TTLL7: variants seen among roughly 807,000 people sequenced by gnomAD.
TTLL7 encodes tubulin polyglutamylase TTLL7.
TTLL7 carries 53 observed loss-of-function variants against 120.2 expected under a neutral mutation model. That is an observed-to-expected ratio of 0.44 (90% confidence interval 0.35 to 0.55). The LOEUF (loss-of-function observed/expected upper bound fraction) is 0.55. Among genes scored for constraint, TTLL7 ranks in the 20% least tolerant of loss-of-function variants. The pLI is 0.00. For missense variants in TTLL7, 803 were observed against 1,054.7 expected (o/e 0.76, Z 3.31); for synonymous variants, 353 against 351.7 (o/e 1.00, Z -0.04).
At chr1:83,979,368 G>C (rs1442970022) in intron 1 of TTLL7, 2 of 152,186 alleles carry the variant, frequency 1.3e-5, no homozygotes, top group Non-Finnish European at 2.9e-5. Context: ...CGAGGGTCCA[G>C]GTGGAGTCAC....
chr1:83,893,149 C>T (rs971470972), intron 18 of TTLL7, among the ~76,000 whole-genome samples: 1 of 151,462 alleles, frequency 6.6e-6, no homozygotes, highest in Non-Finnish European at 1.5e-5. Context: ...GTGTTGGGTT[C>T]ACAGGTGGTA....
Position 83,906,326 on chromosome 1 carries a change from C to A in TTLL7, c.2127+3G>T, listed in dbSNP as rs1394566727. The A allele has an allele frequency of 1.2e-6, 2 of 1,611,104 alleles. No individual in the cohort carries two copies. Among genetic ancestry groups the A allele is most frequent in the Admixed American group, 3.3e-5 (2 of 59,752 alleles). ...TGGCATTTTAGATACATCACATACTCACATCTTCTATCAGAAGTTCTGATT... is the reference window on the plus strand; with the variant it reads ...TGGCATTTTAGATACATCACATACTAACATCTTCTATCAGAAGTTCTGATT... On this transcript the variant is annotated splice_donor_region_variant and intron_variant, in intron 17 of 20. Coordinates refer to ENST00000260505, the MANE Select transcript of TTLL7 (RefSeq NM_024686.6).
chr1:83,983,616 A>G (rs1557801065), intron 1 of TTLL7, among the ~76,000 whole-genome samples: 1 of 152,156 alleles, frequency 6.6e-6, no homozygotes, highest in Non-Finnish European at 1.5e-5. Flanking sequence ...AAAATTGACA[A>G]GTGGGATCTC....
At chr1:83,948,097 G>A (rs1293177088) in intron 5 of TTLL7, among the ~76,000 whole-genome samples, 2 of 151,876 alleles carry the variant, frequency 1.3e-5, no homozygotes, top group African/African-American at 2.4e-5. Flanking sequence ...ATATACATGT[G>A]TCTTTGAGTA....
At chr1:83,957,607 C>T (rs1455609727) in intron 1 of TTLL7, among the ~76,000 whole-genome samples, 1 of 152,108 alleles carries the variant, frequency 6.6e-6, no homozygotes, top group African/African-American at 2.4e-5. Flanking sequence ...TGCACAAAGT[C>T]ACACATCTAA....
intron 1 of TTLL7, among the ~76,000 whole-genome samples, chr1:83,995,228 T>C (rs1653375539): frequency 6.6e-6 from 1 of 152,040 alleles, no homozygotes; most frequent in South Asian, 2.1e-4. Flanking sequence ...AATCAACATG[T>C]AAGTATTCCA....
In TTLL7 at chr1:83,959,675, G is replaced by T. The variant is rs74572150; in HGVS notation, c.-176-7288C>A. Among the ~76,000 whole-genome samples the T allele has an allele frequency of 8.9e-3, 1,359 of 152,022 alleles. 57 individuals carry two copies. In the East Asian group the frequency reaches 0.14, roughly 16 times the overall value. ...CACCAAAAATAATTAAACTTATAAG[G>T]ATTAACAACAACCACAAAGATTAAT... On this transcript the variant is annotated intron_variant, in intron 1 of 20. Coordinates refer to ENST00000260505, the MANE Select transcript of TTLL7 (RefSeq NM_024686.6).
chr1:83,948,821 G>T (rs2100856026), intron 4 of TTLL7, 126 bp from the exon 5 acceptor site: 3 of 627,872 alleles, frequency 4.8e-6, no homozygotes, highest in East Asian at 5.7e-5. Flanking sequence ...TAATCTAAAA[G>T]ATTTAATGTT....
At chr1:83,960,234 G>A (rs1424376284) in intron 1 of TTLL7, among the ~76,000 whole-genome samples, 2 of 152,128 alleles carry the variant, frequency 1.3e-5, no homozygotes, top group African/African-American at 4.8e-5. Context: ...CATAAGCAAT[G>A]TGAAGTCACT....
rs150194052 is a variant in TTLL7, at chr1:83,994,577, G to C, written c.-177+4354C>G. Among the ~76,000 whole-genome samples, 1,035 of 152,334 alleles carry C rather than the reference G, an allele frequency of 6.8e-3. 32 individuals are homozygous for C. The highest frequency in any genetic ancestry group is 0.061 in the Admixed American group (928 of 15,302). On this transcript the variant is annotated intron_variant, in intron 1 of 20. Transcript: ENST00000260505. The stretch of plus-strand genomic sequence containing the variant: ...GGAAGGATACTGGGAACAAGGGGAG[G>C]GGGAGCATCTGAATGCTGAGAAGAG...
chr1:83,990,815 T>A (rs1652927811), intron 1 of TTLL7, among the ~76,000 whole-genome samples: 1 of 152,092 alleles, frequency 6.6e-6, no homozygotes, highest in African/African-American at 2.4e-5. Context: ...AAAATAGAAC[T>A]ACCATATACT....
intron 14 of TTLL7, among the ~76,000 whole-genome samples, chr1:83,911,721 T>C (rs1657689838): frequency 1.3e-5 from 2 of 150,250 alleles, no homozygotes; most frequent in Admixed American, 1.3e-4. Flanking sequence ...CATAAGAGAT[T>C]ACTCATCAAG....
intron 20 of TTLL7, among the ~76,000 whole-genome samples, chr1:83,873,266 C>T (rs1653608674): frequency 6.6e-6 from 1 of 152,106 alleles, no homozygotes; most frequent in Non-Finnish European, 1.5e-5. Context: ...TTCCCTAATG[C>T]AAGTGCTGTG....
intron 1 of TTLL7, among the ~76,000 whole-genome samples, chr1:83,964,816 A>G (rs1220780236): frequency 6.6e-6 from 1 of 152,152 alleles, no homozygotes; most frequent in Non-Finnish European, 1.5e-5. Flanking sequence ...GTAACCATAT[A>G]CCCACAGCAT....
At chr1:83,910,751 G>T (rs1557616037) in intron 15 of TTLL7, among the ~76,000 whole-genome samples, 2 of 152,002 alleles carry the variant, frequency 1.3e-5, no homozygotes, top group East Asian at 3.9e-4. Context: ...AAATGCCTAG[G>T]GATATACATA....
chr1:83,928,129 T>C (rs1209978790), intron 10 of TTLL7, among the ~76,000 whole-genome samples: 1 of 152,130 alleles, frequency 6.6e-6, no homozygotes, highest in Non-Finnish European at 1.5e-5. Flanking sequence ...ATACCATAAA[T>C]GGCAACGTCA....
At chr1:83,874,198 T>A (rs1337717535) in intron 20 of TTLL7, among the ~76,000 whole-genome samples, 1 of 152,114 alleles carries the variant, frequency 6.6e-6, no homozygotes, top group Non-Finnish European at 1.5e-5. Context: ...AGTTTGCATA[T>A]TATACATGCC....
intron 18 of TTLL7, chr1:83,900,212 C>T (rs1232508081): frequency 2.4e-6 from 1 of 422,974 alleles, no homozygotes; most frequent in Non-Finnish European, 4.6e-6. Flanking sequence ...AAGAAGACTA[C>T]AGAAAGAAGC....
At chr1:83,956,977 C>G (rs1419022028) in intron 1 of TTLL7, among the ~76,000 whole-genome samples, 3 of 152,112 alleles carry the variant, frequency 2.0e-5, no homozygotes, top group South Asian at 4.2e-4. Flanking sequence ...TGTTGATAAC[C>G]AAAATCATCA....
Sources: gnomAD v4.1 joint callset for allele counts (sites outside exome capture counted in the v4.1 genomes callset) on GRCh38, gnomAD v4.1.1 for gene constraint, MANE v1.5 for transcripts, NCBI Gene and HGNC (gene_info 2026-07-23, HGNC 2026-07-21) for gene names.